The following CAMK1D variants were observed in gnomAD, a reference collection of about 807,000 sequenced individuals.
CAMK1D encodes the protein calcium/calmodulin-dependent protein kinase type 1D.
Under a neutral mutation model 47.7 loss-of-function variants are expected in CAMK1D, and 9 were observed. The ratio of observed to expected loss-of-function variants is 0.19; its 90% CI spans 0.11 to 0.33. The LOEUF (loss-of-function observed/expected upper bound fraction) is 0.33. Ranked by LOEUF, CAMK1D falls within the 10% of genes least tolerant of loss-of-function variation. The pLI is 1.00. For synonymous variants in CAMK1D, 184 were observed against 184.9 expected, an observed-to-expected ratio of 0.99 and a Z score of 0.04; for missense variants, 291 against 488.7, an observed-to-expected ratio of 0.60 and a Z score of 3.81.
intron 1 of CAMK1D, among the ~76,000 whole-genome samples, chr10:12,419,475 G>A (rs578217181): frequency 3.9e-5 from 6 of 152,248 alleles, no homozygotes; most frequent in Admixed American, 2.6e-4. Flanking sequence ...CCTGTTTCCT[G>A]ACTTTTCCAC....
intron 1 of CAMK1D, among the ~76,000 whole-genome samples, chr10:12,529,824 C>T (rs1172195028): frequency 6.6e-6 from 1 of 152,104 alleles, no homozygotes; most frequent in African/African-American, 2.4e-5. Context: ...TTTTCCAGGG[C>T]TGGATACCCA....
At chr10:12,581,900 C>G (rs533934614) in intron 2 of CAMK1D, among the ~76,000 whole-genome samples, 1 of 152,174 alleles carries the variant, frequency 6.6e-6, no homozygotes, top group South Asian at 2.1e-4. Context: ...TAATCAAGTC[C>G]CATCTATTTA....
At chr10:12,736,762 G>T (rs1442500671) in intron 3 of CAMK1D, among the ~76,000 whole-genome samples, 2 of 152,182 alleles carry the variant, frequency 1.3e-5, no homozygotes, top group African/African-American at 4.8e-5. Context: ...GCCAGAGCCA[G>T]CGTGGTATTT....
At chr10:12,820,823 T>C (rs1832988913) in intron 8 of CAMK1D, among the ~76,000 whole-genome samples, 3 of 152,196 alleles carry the variant, frequency 2.0e-5, no homozygotes, top group Non-Finnish European at 2.9e-5. Flanking sequence ...CTCTGTGGTG[T>C]GTGCTCAGGT....
Position 12,833,237 on chromosome 10 carries a change from A to C in CAMK1D, c.*4350A>C, listed in dbSNP as rs924017025. 1 of 152,196 alleles carries C rather than the reference A, an allele frequency of 6.6e-6. No homozygotes were observed. Among genetic ancestry groups the C allele is most frequent in the Admixed American group, 6.5e-5 (1 of 15,280 alleles). 9.4% of individuals were successfully genotyped at this position (152,196 alleles called of 1,614,324 possible). A position where few individuals can be genotyped will look rare whatever the true frequency, so the allele number is the denominator to read the frequency against. On this transcript the variant is annotated 3_prime_UTR_variant, in exon 11 of 11. Coordinates refer to ENST00000619168, the MANE Select transcript of CAMK1D (RefSeq NM_153498.4). ...CTCATCCCACTCATCTGTCTACCCT[A>C]GTGTCCATCATGCCCTGGATGAATC...
intron 3 of CAMK1D, among the ~76,000 whole-genome samples, chr10:12,667,917 T>C (rs1840483894): frequency 6.6e-6 from 1 of 152,264 alleles, no homozygotes; most frequent in Non-Finnish European, 1.5e-5. Context: ...TGTATAAATA[T>C]TTTAAAGCTG....
chr10:12,659,392 A>G (rs1309466293), intron 2 of CAMK1D, among the ~76,000 whole-genome samples: 2 of 152,218 alleles, frequency 1.3e-5, no homozygotes, highest in African/African-American at 4.8e-5. Flanking sequence ...AAGTGATTAT[A>G]AACTGTGAGT....
intron 4 of CAMK1D, among the ~76,000 whole-genome samples, chr10:12,765,037 G>A (rs1836686251): frequency 6.6e-6 from 1 of 152,204 alleles, no homozygotes; most frequent in African/African-American, 2.4e-5. Context: ...GGAGGTTGCA[G>A]TGAGCTGAGA....
At chr10:12,357,306 G>A (rs1431535347) in intron 1 of CAMK1D, among the ~76,000 whole-genome samples, 1 of 151,658 alleles carries the variant, frequency 6.6e-6, no homozygotes, top group Non-Finnish European at 1.5e-5. Context: ...TGAGTAGCTG[G>A]GATTACAGGT....
chr10:12,633,236 G>A (rs1839429057), intron 2 of CAMK1D, among the ~76,000 whole-genome samples: 1 of 152,202 alleles, frequency 6.6e-6, no homozygotes, highest in Admixed American at 6.5e-5. Context: ...AGAGGTACCA[G>A]AGAGGAGCAA....
intron 1 of CAMK1D, among the ~76,000 whole-genome samples, chr10:12,479,070 A>G (rs192288551): frequency 1.4e-3 from 217 of 152,324 alleles, no homozygotes; most frequent in Admixed American, 0.01. Context: ...TTGGGAGCCA[A>G]TGACTCTCAA....
At chr10:12,741,705 G>A (rs1281150724) in intron 3 of CAMK1D, among the ~76,000 whole-genome samples, 3 of 152,112 alleles carry the variant, frequency 2.0e-5, no homozygotes, top group East Asian at 1.9e-4. Flanking sequence ...GGTTTTCTTC[G>A]GAGAGTCCCC....
chr10:12,436,056 C>A (rs1832626130), intron 1 of CAMK1D, among the ~76,000 whole-genome samples: 1 of 152,202 alleles, frequency 6.6e-6, no homozygotes, highest in African/African-American at 2.4e-5. Context: ...CCTGAGAGGA[C>A]TGTACCTTTG....
At chr10:12,693,457 T>A (rs1438198709) in intron 3 of CAMK1D, among the ~76,000 whole-genome samples, 1 of 151,292 alleles carries the variant, frequency 6.6e-6, no homozygotes, top group Non-Finnish European at 1.5e-5. Context: ...CTACAAAAAA[T>A]ACCAAAAAAC....
At chr10:12,518,946 T>C (rs1835298319) in intron 1 of CAMK1D, among the ~76,000 whole-genome samples, 1 of 129,040 alleles carries the variant, frequency 7.7e-6, no homozygotes, top group Admixed American at 7.5e-5. Flanking sequence ...CCTTCCCGCC[T>C]TTCTATTCCA....
chr10:12,588,866 A>ATATG (rs1554793247), intron 2 of CAMK1D, among the ~76,000 whole-genome samples: 3 of 144,284 alleles, frequency 2.1e-5, no homozygotes, highest in Non-Finnish European at 3.0e-5. Flanking sequence ...ATATGTATAT[A>ATATG]TGTGTGTGTG....
chr10:12,515,418 C>CTTTTTTTTTTTTTTTTTTTTTT (rs55732103), intron 1 of CAMK1D, among the ~76,000 whole-genome samples: 3 of 99,006 alleles, frequency 3.0e-5, no homozygotes, highest in Non-Finnish European at 5.9e-5. Flanking sequence ...TTTTTTTTTT[C>CTTTTTTTTTTTTTTTTTTTTTT]TTTTTTTTTT....
chr10:12,637,442 G>A (rs559789480), intron 2 of CAMK1D, among the ~76,000 whole-genome samples: 20 of 152,312 alleles, frequency 1.3e-4, no homozygotes, highest in African/African-American at 4.1e-4. Flanking sequence ...GTTGAAGACA[G>A]CCTCTGCGTC....
chr10:12,699,648 TG>T (rs1833432502), intron 3 of CAMK1D, among the ~76,000 whole-genome samples: 2 of 149,638 alleles, frequency 1.3e-5, no homozygotes, highest in African/African-American at 5.0e-5. Context: ...GGCTGTAACT[TG>T]AAAAAAAAAA....
Sources: gnomAD v4.1 joint callset for allele counts (sites outside exome capture counted in the v4.1 genomes callset) on GRCh38, gnomAD v4.1.1 for gene constraint, MANE v1.5 for transcripts, NCBI Gene and HGNC (gene_info 2026-07-23, HGNC 2026-07-21) for gene names.